CASZ1: variants seen among roughly 807,000 people sequenced by gnomAD.
The protein encoded by CASZ1 is castor zinc finger 1, also known as zinc finger protein castor homolog 1.
Under a neutral mutation model 135.2 loss-of-function variants are expected in CASZ1, and 28 were observed. That is an observed-to-expected ratio of 0.21 (90% CI 0.15 to 0.28). The LOEUF is 0.28. CASZ1 is among the 10% of genes least tolerant of loss of function. The probability of loss-of-function intolerance (pLI) is 1.00; values close to 1 mark genes in which losing one functional copy is unlikely to be tolerated. For missense variants in CASZ1, 2,161 were observed against 2,453.3 expected (o/e 0.88, Z 2.52); for synonymous variants, 1,068 against 1,073.4 (o/e 0.99, Z 0.10).
rs184477794 is a variant in CASZ1 at position 10,725,753 on chromosome 1, G to A, written c.-76-20209C>T. On this transcript the variant is annotated intron_variant, in intron 2 of 20. Transcript: ENST00000377022. This position sits in a 1 kb window ranked among gnomAD's most constrained non-coding sequence, Gnocchi z 4.4. ...TTTACTAGGAGACCCCAGAGAGGATGATCCTGGGGAACCCTGGACAGGTGA... is the reference window on the plus strand; with the variant it reads ...TTTACTAGGAGACCCCAGAGAGGATAATCCTGGGGAACCCTGGACAGGTGA... Among the ~76,000 whole-genome samples, 143 of 151,602 alleles carry A rather than the reference G, an allele frequency of 9.4e-4. No homozygotes were observed. The highest frequency in any genetic ancestry group is 3.3e-3 in the African/African-American group (137 of 41,278).
intron 4 of CASZ1, among the ~76,000 whole-genome samples, chr1:10,689,495 G>A (rs992245416): frequency 6.6e-6 from 1 of 152,236 alleles, no homozygotes; most frequent in Non-Finnish European, 1.5e-5. Flanking sequence ...TTGGAGAGGA[G>A]AGTGAATGGG....
chr1:10,782,916 G>C (rs1640788086), intron 1 of CASZ1, among the ~76,000 whole-genome samples: 2 of 152,190 alleles, frequency 1.3e-5, no homozygotes, highest in South Asian at 4.1e-4. Context: ...GGATGAGGGA[G>C]TGTGTGTTGG....
chr1:10,639,116 GTCGTCGTCCTCGTCGTCGTCCTCGTCC>G lies in CASZ1; in HGVS notation c.5079_5105del (p.Glu1693_Asp1701del), dbSNP rs748284549. The G allele has an allele frequency of 9.5e-6, 11 of 1,154,680 alleles. No individual in the cohort carries two copies. Among genetic ancestry groups the G allele is most frequent in the East Asian group, 1.2e-4 (2 of 16,940 alleles). 71.5% of individuals were successfully genotyped at this position (1,154,680 alleles called of 1,614,324 possible). ...CGTCGTCCTCGTCGTCGTCCTCGTC[GTCGTCGTCCTCGTCGTCGTCCTCGTCC>G]TCGTCGTCTTCGGCCTCCTCCTCCG... On this transcript the variant is annotated inframe_deletion, in exon 21 of 21. Coordinates refer to ENST00000377022, the MANE Select transcript of CASZ1 (RefSeq NM_001079843.3). The surrounding 1 kb of genome is among the most constrained non-coding windows in gnomAD (Gnocchi z 4.0).
At position 10,747,123 on chromosome 1, in the gene CASZ1, C is replaced by T. The variant is rs939798738; in HGVS notation, c.-77+13578G>A. Among the ~76,000 whole-genome samples the T allele has an allele frequency of 3.9e-5, 6 of 152,230 alleles. No homozygotes were observed. Among genetic ancestry groups the T allele is most frequent in the African/African-American group, 1.4e-4 (6 of 41,456 alleles). Reference sequence around the variant, plus strand: ...TGCCATTCCCCTAACGCAAGGTAAGCACACACAGACCCTTTGCCCCAGGAG... The same window carrying T: ...TGCCATTCCCCTAACGCAAGGTAAGTACACACAGACCCTTTGCCCCAGGAG... On this transcript the variant is annotated intron_variant, in intron 2 of 20. Transcript: ENST00000377022. This position sits in a 1 kb window ranked among gnomAD's most constrained non-coding sequence, Gnocchi z 4.3.
chr1:10,644,998 T>C lies in CASZ1; in HGVS notation c.3787A>G (p.Ile1263Val). Residue 1263 changes from isoleucine to valine, a missense_variant, in exon 18 of 21, where the codon ATC becomes GTC. Ile to Val is a conservative substitution (Grantham distance 29). Transcript: ENST00000377022. Reference protein sequence around the residue: ...TNITTKLPWHIKKHEKAERRA... With the variant: ...TNITTKLPWHVKKHEKAERRA... ...CGCTCCGCCTTCTCATGCTTCTTGA[T>C]GTGCCAGGGGAGCTTGGTGGTGATG... The C allele has an allele frequency of 6.2e-7, 1 of 1,614,094 alleles. No homozygotes were observed. Among genetic ancestry groups the C allele is most frequent in the Non-Finnish European group, 8.5e-7 (1 of 1,180,012 alleles).
In CASZ1 at chr1:10,711,871, G is replaced by A. The variant is rs1557525431; in HGVS notation, c.-76-6327C>T. The stretch of plus-strand genomic sequence containing the variant: ...ATGATTCCATTAATATGGAATATCC[G>A]GAACAGGCAAATCCACAGAGACAGA... On this transcript the variant is annotated intron_variant, in intron 2 of 20. Coordinates refer to ENST00000377022, the MANE Select transcript of CASZ1 (RefSeq NM_001079843.3). The surrounding 1 kb of genome is among the most constrained non-coding windows in gnomAD (Gnocchi z 4.4). Among the ~76,000 whole-genome samples, 2 of 152,144 alleles carry A rather than the reference G, an allele frequency of 1.3e-5. No individual in the cohort carries two copies. Among genetic ancestry groups the A allele is most frequent in the African/African-American group, 2.4e-5 (1 of 41,428 alleles).
chr1:10,700,960 T>C lies in CASZ1; in HGVS notation c.-24+4532A>G, dbSNP rs1639048689. Among the ~76,000 whole-genome samples, 1 of 152,220 alleles carries C rather than the reference T, an allele frequency of 6.6e-6. No individual in the cohort carries two copies. The highest frequency in any genetic ancestry group is 2.4e-5 in the African/African-American group (1 of 41,460). ...AAAGTGGGGGAAAGACGGGGGATCA[T>C]ATTAGCACTTCCTGAATAGAGTTGT... On this transcript the variant is annotated intron_variant, in intron 3 of 20. Coordinates refer to ENST00000377022, the MANE Select transcript of CASZ1 (RefSeq NM_001079843.3). This position sits in a 1 kb window ranked among gnomAD's most constrained non-coding sequence, Gnocchi z 4.2.
chr1:10,643,362 G>A (rs753170543), intron 18 of CASZ1, 51 bp from the exon 19 acceptor site: 1 of 1,595,660 alleles, frequency 6.3e-7, no homozygotes, highest in East Asian at 2.2e-5. Flanking sequence ...CAGCGCTCAT[G>A]GCTTCCAGGT....
Position 10,660,029 on chromosome 1 carries a change from T to C in CASZ1, c.1013A>G (p.Lys338Arg). 6.2e-7 allele frequency: 1 copy of C among 1,614,160 alleles called. No individual in the cohort carries two copies. Among genetic ancestry groups the C allele is most frequent in the Non-Finnish European group, 8.5e-7 (1 of 1,180,006 alleles). ...QNGSTYKKPSKYDLENVKYLH... is the reference protein window; with the variant it reads ...QNGSTYKKPSRYDLENVKYLH... ...GTACTTGACATTCTCCAGGTCGTAC[T>C]TGGATGGCTTCTTGTAGGTGCTCCC... Residue 338 changes from lysine to arginine, a missense_variant, in exon 6 of 21, where the codon AAG (lysine) becomes AGG (arginine). Transcript: ENST00000377022.
Position 10,788,892 on chromosome 1 carries a change from C to T in CASZ1, c.-234+7672G>A, listed in dbSNP as rs111741362. 8.2e-3 allele frequency among the ~76,000 whole-genome samples: 1,250 copies of T among 152,316 alleles called. 13 individuals are homozygous for T. The highest frequency in any genetic ancestry group is 0.027 in the African/African-American group (1,117 of 41,556). On this transcript the variant is annotated intron_variant, in intron 1 of 20. Transcript: ENST00000377022. The surrounding 1 kb of genome is among the most constrained non-coding windows in gnomAD (Gnocchi z 4.1). The stretch of plus-strand genomic sequence containing the variant: ...TGGGGACAGAGGGGAAGCCAGCAGC[C>T]GCTGCCGCTCTGCAGAACCTCGCAG...
chr1:10,693,107 C>T (rs928793338), intron 4 of CASZ1, among the ~76,000 whole-genome samples: 1 of 152,104 alleles, frequency 6.6e-6, no homozygotes, highest in African/African-American at 2.4e-5. Flanking sequence ...GAGCACCAGG[C>T]CTCCTGGAGC....
intron 1 of CASZ1, among the ~76,000 whole-genome samples, chr1:10,781,705 G>T (rs1640765391): frequency 2.0e-5 from 3 of 152,164 alleles, no homozygotes. Context: ...AGATGGGGAG[G>T]GTGGAGTAGA....
intron 1 of CASZ1, among the ~76,000 whole-genome samples, chr1:10,764,374 CTGA>C (rs2100581536): frequency 6.6e-6 from 1 of 152,390 alleles, no homozygotes; most frequent in Non-Finnish European, 1.5e-5. Flanking sequence ...TAAGGGCACA[CTGA>C]TAAGTGGCCT....
chr1:10,793,723 C>CGG (rs1437706574), intron 1 of CASZ1, among the ~76,000 whole-genome samples: 4 of 29,958 alleles, frequency 1.3e-4, no homozygotes, highest in African/African-American at 5.2e-4. Flanking sequence ...GGGTGGGTGG[C>CGG]GGGGGGGCGG....
At chr1:10,664,988 G>T in intron 5 of CASZ1, 95 bp downstream of exon 5, 1 of 1,343,432 alleles carries the variant, frequency 7.4e-7, no homozygotes, top group Non-Finnish European at 9.7e-7. Flanking sequence ...TAGAGCAGGA[G>T]TGAGGAGTCG....
intron 2 of CASZ1, among the ~76,000 whole-genome samples, chr1:10,737,297 C>T (rs1162400602): frequency 5.9e-5 from 9 of 152,184 alleles, no homozygotes; most frequent in African/African-American, 1.7e-4. Context: ...CAACCCTGGG[C>T]GTCCCCCTCA....
chr1:10,636,885 TAC>T lies in CASZ1; in HGVS notation c.*2055_*2056del, dbSNP rs1024082502. ...ATATATGTATATACATATAGATATA[TAC>T]ACACACATATGTGCATACATATTAT... On this transcript the variant is annotated 3_prime_UTR_variant, in exon 21 of 21. Coordinates refer to ENST00000377022, the MANE Select transcript of CASZ1 (RefSeq NM_001079843.3). The T allele has an allele frequency of 2.6e-5, 4 of 151,972 alleles. No homozygotes were observed. Among genetic ancestry groups the T allele is most frequent in the Non-Finnish European group, 5.9e-5 (4 of 67,958 alleles). 9.4% of individuals were successfully genotyped at this position (151,972 alleles called of 1,614,324 possible). A position where few individuals can be genotyped will look rare whatever the true frequency, so the allele number is the denominator to read the frequency against.
Position 10,654,453 on chromosome 1 carries a change from A to G in CASZ1, c.1804T>C (p.Phe602Leu). Residue 602 changes from phenylalanine (F) to leucine (L), a missense_variant, in exon 10 of 21, where the codon TTC (phenylalanine) becomes CTC (leucine). Coordinates refer to ENST00000377022, the MANE Select transcript of CASZ1 (RefSeq NM_001079843.3). ...AAGTGCGTGGTCTTCTGTCCGTAGA[A>G]CTGGCAGTCGGCTGTGCCACAGTCT... ...TEDCGTADCQ[F>L]YGQKTTHFHC... The G allele has an allele frequency of 3.7e-6, 6 of 1,613,896 alleles. No homozygotes were observed. Among genetic ancestry groups the G allele is most frequent in the Non-Finnish European group, 5.1e-6 (6 of 1,179,982 alleles).
chr1:10,781,159 G>A (rs1640755955), intron 1 of CASZ1, among the ~76,000 whole-genome samples: 1 of 152,240 alleles, frequency 6.6e-6, no homozygotes, highest in African/African-American at 2.4e-5. Context: ...CTTGCCTGGA[G>A]GGCGAGGAGG....
Sources: gnomAD v4.1 joint callset for allele counts (sites outside exome capture counted in the v4.1 genomes callset) on GRCh38, gnomAD v4.1.1 for gene constraint, Gnocchi (gnomAD v3.1) non-coding constraint, MANE v1.5 for transcripts, NCBI Gene and HGNC (gene_info 2026-07-23, HGNC 2026-07-21) for gene names.